Variants in KCNH8 observed in about 807,000 individuals in gnomAD.
KCNH8 encodes voltage-gated delayed rectifier potassium channel KCNH8.
Under a neutral mutation model 103.6 loss-of-function variants are expected in KCNH8, and 70 were observed. That is an observed-to-expected ratio of 0.68 (90% CI 0.56 to 0.82). KCNH8 has a LOEUF of 0.82. Ranked by LOEUF, KCNH8 falls within the 40% of genes least tolerant of loss-of-function variation. The probability of loss-of-function intolerance (pLI) is 0.00; values close to 1 mark genes in which losing one functional copy is unlikely to be tolerated. For synonymous variants in KCNH8, 498 were observed against 489.4 expected (o/e 1.02, Z -0.23); for missense variants, 1,217 against 1,329.9 (o/e 0.92, Z 1.32).
chr3:19,450,835 G>T, intron 9 of KCNH8: 1 of 306,036 alleles, frequency 3.3e-6, no homozygotes, highest in Non-Finnish European at 6.1e-6. Context: ...AATCACCAGT[G>T]GGTCCAAATT....
intron 11 of KCNH8, among the ~76,000 whole-genome samples, chr3:19,481,621 ATGTC>A (rs1435494032): frequency 1.3e-5 from 2 of 152,196 alleles, no homozygotes; most frequent in Non-Finnish European, 2.9e-5. Context: ...TAAGGAGAGA[ATGTC>A]TGTAATGTAT....
rs373357160 is a variant in KCNH8 at position 19,359,570 on chromosome 3, G to A, written c.811+11605G>A. On this transcript the variant is annotated intron_variant, in intron 5 of 15. Coordinates refer to ENST00000328405, the MANE Select transcript of KCNH8 (RefSeq NM_144633.3). ...GACTGAAGTTTGGGGCTGGATAATC[G>A]TTAGTTATGGAGGCTGCCCTGTATA... Among the ~76,000 whole-genome samples the A allele has an allele frequency of 2.9e-4, 44 of 152,050 alleles. 2 individuals are homozygous for A. In the East Asian group the frequency reaches 4.3e-3, roughly 15 times the overall value.
intron 15 of KCNH8, among the ~76,000 whole-genome samples, chr3:19,532,350 T>A (rs2069176518): frequency 6.6e-6 from 1 of 152,202 alleles, no homozygotes. Context: ...AGCCCTGCAG[T>A]GCTTATCTCT....
chr3:19,272,371 G>C (rs2064601095), intron 2 of KCNH8, among the ~76,000 whole-genome samples: 2 of 152,112 alleles, frequency 1.3e-5, no homozygotes, highest in Non-Finnish European at 2.9e-5. Flanking sequence ...GAATGTGCCT[G>C]TCCTGTCTGT....
chr3:19,466,717 G>A (rs1459391755), intron 11 of KCNH8, among the ~76,000 whole-genome samples: 2 of 121,014 alleles, frequency 1.7e-5, no homozygotes, highest in African/African-American at 3.2e-5. Flanking sequence ...AGGCTGGAGT[G>A]CAATGACACG....
chr3:19,402,086 T>A (rs1014761916), intron 7 of KCNH8, among the ~76,000 whole-genome samples: 7 of 151,962 alleles, frequency 4.6e-5, no homozygotes, highest in Non-Finnish European at 1.0e-4. Context: ...GCACACTGCA[T>A]CCCTGTTCGT....
intron 1 of KCNH8, among the ~76,000 whole-genome samples, chr3:19,247,141 T>A (rs889448736): frequency 6.6e-6 from 1 of 152,218 alleles, no homozygotes; most frequent in Non-Finnish European, 1.5e-5. Flanking sequence ...TACTGGATGA[T>A]GTATAAATTA....
chr3:19,215,266 G>A (rs1238452666), intron 1 of KCNH8, among the ~76,000 whole-genome samples: 1 of 152,182 alleles, frequency 6.6e-6, no homozygotes, highest in Non-Finnish European at 1.5e-5. Flanking sequence ...ACACTTGAAT[G>A]CCTTTTAGGT....
intron 3 of KCNH8, among the ~76,000 whole-genome samples, chr3:19,324,193 G>A (rs1302301366): frequency 6.6e-6 from 1 of 152,138 alleles, no homozygotes; most frequent in Admixed American, 6.5e-5. Flanking sequence ...GTGGCTGATG[G>A]GAGTGTGGTT....
intron 10 of KCNH8, 40 bp from the exon 11 acceptor site, chr3:19,456,728 G>GTTT (rs536041267): frequency 1.1e-5 from 14 of 1,322,290 alleles, no homozygotes; most frequent in South Asian, 8.3e-5. Flanking sequence ...TCCTAAGCTT[G>GTTT]CTTTTTTTTT....
At chr3:19,198,575 T>C (rs1294010461) in intron 1 of KCNH8, among the ~76,000 whole-genome samples, 2 of 152,102 alleles carry the variant, frequency 1.3e-5, no homozygotes, top group African/African-American at 4.8e-5. Flanking sequence ...TTTCAGACTA[T>C]TGTGATTCTG....
chr3:19,379,225 G>C (rs1005846442), intron 5 of KCNH8, among the ~76,000 whole-genome samples: 2 of 152,214 alleles, frequency 1.3e-5, no homozygotes, highest in Admixed American at 6.5e-5. Flanking sequence ...TACATGACCA[G>C]TGGCAATCCT....
At chr3:19,165,117 A>C (rs1232045626) in intron 1 of KCNH8, among the ~76,000 whole-genome samples, 1 of 152,152 alleles carries the variant, frequency 6.6e-6, no homozygotes. Context: ...AAAGTTATCA[A>C]ATTGTACACT....
intron 1 of KCNH8, among the ~76,000 whole-genome samples, chr3:19,197,740 A>G (rs1180341217): frequency 6.6e-6 from 1 of 151,914 alleles, no homozygotes; most frequent in African/African-American, 2.4e-5. Flanking sequence ...ATAAGTTAAT[A>G]CATGTCGAGT....
chr3:19,173,197 G>A (rs528489974), intron 1 of KCNH8, among the ~76,000 whole-genome samples: 2 of 152,186 alleles, frequency 1.3e-5, no homozygotes, highest in East Asian at 3.9e-4. Flanking sequence ...ATGCCATGCT[G>A]TATTTCTTAT....
At chr3:19,182,202 C>G (rs1157135498) in intron 1 of KCNH8, among the ~76,000 whole-genome samples, 2 of 152,150 alleles carry the variant, frequency 1.3e-5, no homozygotes, top group African/African-American at 4.8e-5. Flanking sequence ...GTGTGACTTG[C>G]TTTGGCCAAT....
intron 15 of KCNH8, among the ~76,000 whole-genome samples, chr3:19,532,512 T>A (rs1382100938): frequency 6.6e-6 from 1 of 152,218 alleles, no homozygotes; most frequent in Non-Finnish European, 1.5e-5. Context: ...TGGCCTATAA[T>A]AAGCATAGGC....
intron 5 of KCNH8, among the ~76,000 whole-genome samples, chr3:19,358,640 T>G (rs2065911015): frequency 6.6e-6 from 1 of 151,960 alleles, no homozygotes; most frequent in Admixed American, 6.6e-5. Context: ...TGTTGATAAA[T>G]TTAATTAACT....
chr3:19,426,275 T>C (rs547866064), intron 7 of KCNH8, among the ~76,000 whole-genome samples: 24 of 152,282 alleles, frequency 1.6e-4, no homozygotes, highest in African/African-American at 5.5e-4. Flanking sequence ...TGGAGAGCTC[T>C]GTCCCTGAAG....
Sources: allele counts gnomAD v4.1 joint callset (sites outside exome capture counted in the v4.1 genomes callset), GRCh38; gene constraint gnomAD v4.1.1; transcripts MANE v1.5; gene names NCBI Gene and HGNC (gene_info 2026-07-23, HGNC 2026-07-21).